ARHGEF12: variants seen among roughly 807,000 people sequenced by gnomAD.
ARHGEF12 encodes the protein KMT2A/ARHGEF12 fusion protein.
ARHGEF12 carries 66 observed loss-of-function variants against 211.2 expected under a neutral mutation model. The ratio of observed to expected loss-of-function variants is 0.31; its 90% CI spans 0.26 to 0.38. ARHGEF12 has a LOEUF of 0.38. ARHGEF12 is among the 10% of genes least tolerant of loss of function. The probability of loss-of-function intolerance (pLI) is 1.00; values close to 1 mark genes in which losing one functional copy is unlikely to be tolerated. For missense variants in ARHGEF12, 1,429 were observed against 1,869.5 expected, an observed-to-expected ratio of 0.76 and a Z score of 4.34; for synonymous variants, 592 against 638.4, an observed-to-expected ratio of 0.93 and a Z score of 1.09.
chr11:120,452,417 G>T (rs1381454739), intron 22 of ARHGEF12, among the ~76,000 whole-genome samples: 1 of 152,174 alleles, frequency 6.6e-6, no homozygotes, highest in Non-Finnish European at 1.5e-5. Flanking sequence ...TTGGGAGGCG[G>T]TTCAATTTCT....
rs144329662 is a variant in ARHGEF12, at chr11:120,452,944, G to C, written c.2056+1220G>C. ...CCAGGAGGTGGGTGGAGGTTGCAGT[G>C]AGCCAAGATCGTGCCAATGCACTCC... is the stretch of plus-strand genomic sequence containing the variant. On this transcript the variant is annotated intron_variant, in intron 22 of 40. Transcript: ENST00000397843. Among the ~76,000 whole-genome samples the C allele has an allele frequency of 2.7e-3, 410 of 151,146 alleles. 7 individuals carry two copies. The highest frequency in any genetic ancestry group is 0.02 in the Admixed American group (305 of 15,192).
At chr11:120,465,196 G>T in intron 27 of ARHGEF12, 41 bp from the exon 28 acceptor site, 1 of 1,611,436 alleles carries the variant, frequency 6.2e-7, no homozygotes, top group Non-Finnish European at 8.5e-7. Flanking sequence ...TATAAGCTCA[G>T]TTTCCCATTC....
intron 30 of ARHGEF12, among the ~76,000 whole-genome samples, chr11:120,469,761 A>G (rs1236438119): frequency 6.6e-6 from 1 of 152,224 alleles, no homozygotes; most frequent in Non-Finnish European, 1.5e-5. Context: ...TATAGTGCAA[A>G]TATTTTGTAT....
Position 120,480,046 on chromosome 11 carries a change from A to G in ARHGEF12, c.3853A>G (p.Arg1285Gly). 6.2e-7 allele frequency: 1 copy of G among 1,614,222 alleles called. No individual in the cohort carries two copies. The highest frequency in any genetic ancestry group is 1.1e-5 in the South Asian group (1 of 91,090). The stretch of plus-strand genomic sequence containing the variant: ...AGACTGGCAACATTTCCCAAGATAC[A>G]GAACAGCCTCTCAGGGGCCGCAGAC... ...QEDWQHFPRY[R>G]TASQGPQTDS... The change falls in exon 38 of 41, where the codon AGA (arginine) becomes GGA (glycine). Residue 1285 changes from arginine (R) to glycine (G), a missense_variant. Arg to Gly is a moderately radical substitution (Grantham distance 125, BLOSUM62 -2). Transcript: ENST00000397843.
Position 120,488,506 on chromosome 11 carries a change from C to T in ARHGEF12, c.*3429C>T, listed in dbSNP as rs949532270. Reference sequence around the variant, plus strand: ...AGAGTCATCTACAAAATTTTTCTTTCCTCAAGAAAAGAGTTCCTTTTGCCT... The same window carrying T: ...AGAGTCATCTACAAAATTTTTCTTTTCTCAAGAAAAGAGTTCCTTTTGCCT... On this transcript the variant is annotated 3_prime_UTR_variant, in exon 41 of 41. Coordinates refer to ENST00000397843, the MANE Select transcript of ARHGEF12 (RefSeq NM_015313.3). 1 of 217,328 alleles carries T rather than the reference C, an allele frequency of 4.6e-6. No homozygotes were observed. Among genetic ancestry groups the T allele is most frequent in the Admixed American group, 5.8e-5 (1 of 17,216 alleles). 13.5% of individuals were successfully genotyped at this position (217,328 alleles called of 1,614,324 possible). A position where few individuals can be genotyped will look rare whatever the true frequency, so the allele number is the denominator to read the frequency against.
intron 1 of ARHGEF12, among the ~76,000 whole-genome samples, chr11:120,392,122 C>G (rs1045123553): frequency 2.6e-5 from 4 of 152,130 alleles, no homozygotes; most frequent in Non-Finnish European, 5.9e-5. Context: ...CTTTACTACT[C>G]TCTTGGTCAT....
intron 1 of ARHGEF12, among the ~76,000 whole-genome samples, chr11:120,377,113 G>T (rs1943748351): frequency 6.6e-6 from 1 of 152,074 alleles, no homozygotes; most frequent in African/African-American, 2.4e-5. Flanking sequence ...AGGAGTGCAG[G>T]CCTCTTTGAT....
chr11:120,435,819 A>G (rs1003168487), intron 11 of ARHGEF12, among the ~76,000 whole-genome samples: 5 of 152,044 alleles, frequency 3.3e-5, no homozygotes, highest in African/African-American at 1.2e-4. Context: ...CCCGGCCCCC[A>G]AGCTTTTGTG....
Position 120,479,990 on chromosome 11 carries a change from A to C in ARHGEF12, c.3797A>C (p.Gln1266Pro). Residue 1266 changes from glutamine to proline, a missense_variant, in exon 38 of 41, where the codon CAG becomes CCG. By Grantham distance (76) the Gln-to-Pro change is moderately conservative. Transcript: ENST00000397843. ...LGLLKQLLVQQLGLTEKSVQE... is the reference protein window; with the variant it reads ...LGLLKQLLVQPLGLTEKSVQE... ...TTGTTGAAGCAGTTGCTGGTGCAAC[A>C]GCTAGGTTTGACTGAGAAGAGCGTT... The C allele has an allele frequency of 6.2e-7, 1 of 1,613,914 alleles. No homozygotes were observed. Among genetic ancestry groups the C allele is most frequent in the Non-Finnish European group, 8.5e-7 (1 of 1,179,850 alleles).
chr11:120,487,146 G>C lies in ARHGEF12; in HGVS notation c.*2069G>C, dbSNP rs886252762. On this transcript the variant is annotated 3_prime_UTR_variant, in exon 41 of 41. Transcript: ENST00000397843. ...TAAATATAAAAACTTTGCTCTTAAC[G>C]TCACACACTACAGGGTAATTATGTA... 1 of 217,228 alleles carries C rather than the reference G, an allele frequency of 4.6e-6. No homozygotes were observed. The highest frequency in any genetic ancestry group is 9.3e-6 in the Non-Finnish European group (1 of 108,098). The allele number at this position is 217,228 out of a possible 1,614,324, so 13.5% of individuals were successfully genotyped here.
chr11:120,364,884 T>G (rs529708821), intron 1 of ARHGEF12, among the ~76,000 whole-genome samples: 1 of 143,782 alleles, frequency 7.0e-6, no homozygotes, highest in South Asian at 2.2e-4. Flanking sequence ...GTGGGCACAA[T>G]CACAGCTCAC....
At chr11:120,455,329 T>C (rs951087766) in intron 22 of ARHGEF12, among the ~76,000 whole-genome samples, 1 of 152,134 alleles carries the variant, frequency 6.6e-6, no homozygotes, top group Non-Finnish European at 1.5e-5. Context: ...TTTGAAACTG[T>C]AGTGCACCAG....
At chr11:120,431,961 G>T in intron 11 of ARHGEF12, 50 bp downstream of exon 11, 1 of 1,477,776 alleles carries the variant, frequency 6.8e-7, no homozygotes, top group Non-Finnish European at 9.0e-7. Flanking sequence ...CTTCTTTACA[G>T]CCCCTTTCTA....
At chr11:120,460,349 A>G (rs1032195900) in intron 26 of ARHGEF12, among the ~76,000 whole-genome samples, 1 of 152,188 alleles carries the variant, frequency 6.6e-6, no homozygotes, top group Admixed American at 6.5e-5. Flanking sequence ...GAACAGAATT[A>G]CTTGTACTGT....
intron 17 of ARHGEF12, 26 bp downstream of exon 17, chr11:120,446,534 C>T: frequency 6.5e-7 from 1 of 1,529,810 alleles, no homozygotes; most frequent in Non-Finnish European, 8.9e-7. Flanking sequence ...GATAGAATTT[C>T]ATATGATTAT....
chr11:120,474,707 A>G, intron 32 of ARHGEF12, 72 bp downstream of exon 32: 1 of 1,217,676 alleles, frequency 8.2e-7, no homozygotes, highest in Non-Finnish European at 1.2e-6. Flanking sequence ...TTCCTATGAC[A>G]AAGGGAAGAG....
At chr11:120,392,448 A>G (rs1944249348) in intron 1 of ARHGEF12, among the ~76,000 whole-genome samples, 1 of 152,178 alleles carries the variant, frequency 6.6e-6, no homozygotes, top group South Asian at 2.1e-4. Context: ...CAAGGACCTT[A>G]TCTGTTCATT....
Position 120,407,841 on chromosome 11 carries a change from C to T in ARHGEF12, c.142+18C>T. On this transcript the variant is annotated intron_variant, in intron 3 of 40. Transcript: ENST00000397843. Reference sequence around the variant, plus strand: ...CCCCACAGGTAAAACACTATTCATTCTTTCAAAGAGTATTGAGAGTAGTGA... The same window carrying T: ...CCCCACAGGTAAAACACTATTCATTTTTTCAAAGAGTATTGAGAGTAGTGA... 1 of 1,602,130 alleles carries T rather than the reference C, an allele frequency of 6.2e-7. No homozygotes were observed. Among genetic ancestry groups the T allele is most frequent in the Non-Finnish European group, 8.5e-7 (1 of 1,169,778 alleles).
chr11:120,435,400 A>T (rs1239042260), intron 11 of ARHGEF12, among the ~76,000 whole-genome samples: 1 of 152,084 alleles, frequency 6.6e-6, no homozygotes, highest in African/African-American at 2.4e-5. Context: ...GATACTATGT[A>T]CATCTCATTA....
Sources: gnomAD v4.1 joint callset for allele counts (sites outside exome capture counted in the v4.1 genomes callset) on GRCh38, gnomAD v4.1.1 for gene constraint, MANE v1.5 for transcripts, NCBI Gene and HGNC (gene_info 2026-07-23, HGNC 2026-07-21) for gene names.